GNAI2: variants seen among roughly 807,000 people sequenced by gnomAD.
The protein encoded by GNAI2 is G protein subunit alpha i2.
GNAI2 carries 4 observed loss-of-function variants against 36.8 expected under a neutral mutation model. The observed-to-expected ratio is 0.11, with a 90% CI of 0.05 to 0.25. The LOEUF (loss-of-function observed/expected upper bound fraction) is 0.25, where lower values mean the gene tolerates loss of function less well. GNAI2 is among the 10% of genes least tolerant of loss of function. The pLI, the probability that GNAI2 is intolerant of heterozygous loss-of-function variation, is 1.00. For synonymous variants in GNAI2, 194 were observed against 194.1 expected, an observed-to-expected ratio of 1.00 and a Z score of 0.01; for missense variants, 230 against 481.3, an observed-to-expected ratio of 0.48 and a Z score of 4.89.
chr3:50,235,798 A>G (rs1160380654), upstream of GNAI2, among the ~76,000 whole-genome samples: 1 of 152,090 alleles, frequency 6.6e-6, no homozygotes, highest in Non-Finnish European at 1.5e-5. Flanking sequence ...AACTCGCCCA[A>G]CTCGCAGAAG....
chr3:50,245,877 T>C (rs1553701691), intron 1 of GNAI2, among the ~76,000 whole-genome samples: 1 of 152,220 alleles, frequency 6.6e-6, no homozygotes, highest in East Asian at 1.9e-4. Context: ...TGCTTGGTAG[T>C]GCTCCCCTTT....
At position 50,257,591 on chromosome 3, in the gene GNAI2, C is replaced by T; in HGVS notation, c.969C>T (p.His323=). ...KRKDTKEIYT[H]FTCATDTKNV... is the part of the protein sequence containing the mutation. Reference sequence around the variant, plus strand: ...AAGACACCAAGGAGATCTACACGCACTTCACGTGCGCCACCGACACCAAGA... The same window carrying T: ...AAGACACCAAGGAGATCTACACGCATTTCACGTGCGCCACCGACACCAAGA... Residue 323 remains histidine, a synonymous_variant, in exon 8 of 9, where the codon CAC becomes CAT. Coordinates refer to ENST00000313601, the MANE Select transcript of GNAI2 (RefSeq NM_002070.4). 2.5e-6 allele frequency: 4 copies of T among 1,610,638 alleles called. No homozygotes were observed. The highest frequency in any genetic ancestry group is 3.4e-6 in the Non-Finnish European group (4 of 1,177,938).
Position 50,241,419 on chromosome 3 carries a change from A to G in GNAI2, c.118+4966A>G, listed in dbSNP as rs1553701125. Among the ~76,000 whole-genome samples, 1 of 151,788 alleles carries G rather than the reference A, an allele frequency of 6.6e-6. No individual in the cohort carries two copies. The highest frequency in any genetic ancestry group is 2.4e-5 in the African/African-American group (1 of 41,284). Reference sequence around the variant, plus strand: ...TGAACAGGGGTCCAAGCTATAGCTGACCCCCTCTGCCTGCATCCTGCCCAG... The same window carrying G: ...TGAACAGGGGTCCAAGCTATAGCTGGCCCCCTCTGCCTGCATCCTGCCCAG... On this transcript the variant is annotated intron_variant, in intron 1 of 8. Coordinates refer to ENST00000313601, the MANE Select transcript of GNAI2 (RefSeq NM_002070.4). This position sits in a 1 kb window ranked among gnomAD's most constrained non-coding sequence, Gnocchi z 5.0.
chr3:50,247,371 G>T (rs1267315976), intron 1 of GNAI2, among the ~76,000 whole-genome samples: 1 of 152,218 alleles, frequency 6.6e-6, no homozygotes, highest in African/African-American at 2.4e-5. Flanking sequence ...GCTGCTTGAG[G>T]CTTGACAGCT....
chr3:50,256,371 G>C (rs373273275), intron 5 of GNAI2, 51 bp downstream of exon 5: 86 of 1,562,510 alleles, frequency 5.5e-5, no homozygotes, highest in Non-Finnish European at 7.2e-5. Flanking sequence ...CAGCCTCTGG[G>C]GTAGCAGAGG....
chr3:50,236,529 AGGGCTTCAAACTCCCAGACCC>A lies in GNAI2; in HGVS notation c.118+82_118+102del. On this transcript the variant is annotated intron_variant, in intron 1 of 8. Transcript: ENST00000313601. This position sits in a 1 kb window ranked among gnomAD's most constrained non-coding sequence, Gnocchi z 4.0. Reference sequence around the variant, plus strand: ...GACAAGGACTTTGACCTCCCAGACTAGGGCTTCAAACTCCCAGACCCGGGCTGTCTGGGACCCCACACCTGG... The same window carrying A: ...GACAAGGACTTTGACCTCCCAGACTAGGGCTGTCTGGGACCCCACACCTGG... 6.6e-7 allele frequency: 1 copy of A among 1,512,852 alleles called. No homozygotes were observed. The highest frequency in any genetic ancestry group is 8.8e-7 in the Non-Finnish European group (1 of 1,138,670). The allele number at this position is 1,512,852 out of a possible 1,614,324, so 93.7% of individuals were successfully genotyped here.
intron 1 of GNAI2, among the ~76,000 whole-genome samples, chr3:50,249,587 A>G (rs1387308191): frequency 6.6e-6 from 1 of 152,176 alleles, no homozygotes; most frequent in Non-Finnish European, 1.5e-5. Flanking sequence ...TTGCTGCCCC[A>G]GCCACAGCGC....
rs1438819400 is a variant in GNAI2 at position 50,252,433 on chromosome 3, C to T, written c.198C>T (p.Cys66=). 2.5e-6 allele frequency: 4 copies of T among 1,613,478 alleles called. No homozygotes were observed. The highest frequency in any genetic ancestry group is 1.3e-5 in the African/African-American group (1 of 74,930). The change falls in exon 3 of 9, where the codon TGC becomes TGT. Residue 66 remains cysteine, a synonymous_variant. Coordinates refer to ENST00000313601, the MANE Select transcript of GNAI2 (RefSeq NM_002070.4). This position sits in a 1 kb window ranked among gnomAD's most constrained non-coding sequence, Gnocchi z 4.1. The part of the protein sequence containing the change: ...IHEDGYSEEE[C]RQYRAVVYSN... Reference sequence around the variant, plus strand: ...AGGATGGCTACTCCGAGGAGGAATGCCGGCAGTACCGGGCGGTTGTCTACA... The same window carrying T: ...AGGATGGCTACTCCGAGGAGGAATGTCGGCAGTACCGGGCGGTTGTCTACA...
Position 50,241,489 on chromosome 3 carries a change from G to A in GNAI2, c.118+5036G>A, listed in dbSNP as rs1022911227. Among the ~76,000 whole-genome samples the A allele has an allele frequency of 3.9e-5, 6 of 152,206 alleles. No individual in the cohort carries two copies. Among genetic ancestry groups the A allele is most frequent in the Non-Finnish European group, 7.3e-5 (5 of 68,034 alleles). Reference sequence around the variant, plus strand: ...TGCCTCTCACGCCAGTGTCAGTGCAGCCAACATGAGGTCATACCTCTAGGG... The same window carrying A: ...TGCCTCTCACGCCAGTGTCAGTGCAACCAACATGAGGTCATACCTCTAGGG... On this transcript the variant is annotated intron_variant, in intron 1 of 8. Coordinates refer to ENST00000313601, the MANE Select transcript of GNAI2 (RefSeq NM_002070.4). The surrounding 1 kb of genome is among the most constrained non-coding windows in gnomAD (Gnocchi z 5.0).
At chr3:50,231,611 C>T (rs1473349562), upstream of GNAI2, among the ~76,000 whole-genome samples, 1 of 152,194 alleles carries the variant, frequency 6.6e-6, no homozygotes, top group Non-Finnish European at 1.5e-5. Context: ...ACCTGCCACC[C>T]TGCAAGGGGC....
At chr3:50,249,177 G>A (rs782123868) in intron 1 of GNAI2, among the ~76,000 whole-genome samples, 2 of 152,102 alleles carry the variant, frequency 1.3e-5, no homozygotes, top group African/African-American at 4.8e-5. Context: ...CGCCTGGCTC[G>A]GGACTGCATG....
chr3:50,255,809 G>A lies in GNAI2; in HGVS notation c.465-383G>A, dbSNP rs2109217535. Among the ~76,000 whole-genome samples, 1 of 152,138 alleles carries A rather than the reference G, an allele frequency of 6.6e-6. No individual in the cohort carries two copies. Among genetic ancestry groups the A allele is most frequent in the Middle Eastern group, 3.4e-3 (1 of 294 alleles). On this transcript the variant is annotated intron_variant, in intron 4 of 8. Coordinates refer to ENST00000313601, the MANE Select transcript of GNAI2 (RefSeq NM_002070.4). This position sits in a 1 kb window ranked among gnomAD's most constrained non-coding sequence, Gnocchi z 4.0. The stretch of plus-strand genomic sequence containing the variant: ...CTCACGCCTGTAATCCCAGCACTCT[G>A]GGAGGCCGAGGTGGGCGGATCACCT...
In GNAI2 at chr3:50,252,082, C is replaced by G. The variant is rs1553702532; in HGVS notation, c.119-18C>G. The G allele has an allele frequency of 6.2e-7, 1 of 1,613,538 alleles. No homozygotes were observed. Among genetic ancestry groups the G allele is most frequent in the Admixed American group, 1.7e-5 (1 of 60,002 alleles). ...CCCTCTGGGCCTGCCCCCTGACCAC[C>G]TGTGCCCTCTGTTCCAGGTGCTGGG... On this transcript the variant is annotated intron_variant, in intron 1 of 8. Coordinates refer to ENST00000313601, the MANE Select transcript of GNAI2 (RefSeq NM_002070.4). The surrounding 1 kb of genome is among the most constrained non-coding windows in gnomAD (Gnocchi z 4.1).
At chr3:50,247,932 C>G (rs1700460564) in intron 1 of GNAI2, among the ~76,000 whole-genome samples, 1 of 152,266 alleles carries the variant, frequency 6.6e-6, no homozygotes, top group African/African-American at 2.4e-5. Context: ...TACCCAGCAT[C>G]TTTGCAGAAA....
upstream of GNAI2, chr3:50,235,966 G>A (rs914010395): frequency 3.8e-5 from 6 of 157,668 alleles, no homozygotes; most frequent in African/African-American, 7.2e-5. Flanking sequence ...CCGGGTCCCG[G>A]GGTTTGGAAC....
intron 1 of GNAI2, chr3:50,251,270 G>A (rs1700551056): frequency 3.0e-6 from 2 of 674,780 alleles, no homozygotes; most frequent in South Asian, 6.5e-5. Context: ...ATTTTTCTGA[G>A]CCTCAATGTC....
At position 50,253,215 on chromosome 3, in the gene GNAI2, G is replaced by C. The variant is rs781842823; in HGVS notation, c.464+31G>C. 6.4e-7 allele frequency: 1 copy of C among 1,574,094 alleles called. No individual in the cohort carries two copies. Among genetic ancestry groups the C allele is most frequent in the East Asian group, 2.3e-5 (1 of 44,178 alleles). Reference sequence around the variant, plus strand: ...TGCTCTGAGGGGCTGGGCAGGGCAGGGCAGGGGCTGGGGGAGGACTAAAGG... The same window carrying C: ...TGCTCTGAGGGGCTGGGCAGGGCAGCGCAGGGGCTGGGGGAGGACTAAAGG... On this transcript the variant is annotated intron_variant, in intron 4 of 8. Transcript: ENST00000313601. This position sits in a 1 kb window ranked among gnomAD's most constrained non-coding sequence, Gnocchi z 4.2.
chr3:50,235,580 A>G (rs781977235), upstream of GNAI2, among the ~76,000 whole-genome samples: 4 of 151,990 alleles, frequency 2.6e-5, no homozygotes, highest in Admixed American at 2.0e-4. Flanking sequence ...TCGGCCTCCT[A>G]AAGTGCTGGG....
chr3:50,246,082 G>A (rs1026352983), intron 1 of GNAI2, among the ~76,000 whole-genome samples: 28 of 152,222 alleles, frequency 1.8e-4, no homozygotes, highest in African/African-American at 6.8e-4. Context: ...GAGCCTTCTC[G>A]GAGGGAATGA....
Sources: gnomAD v4.1 joint callset for allele counts (sites outside exome capture counted in the v4.1 genomes callset) on GRCh38, gnomAD v4.1.1 for gene constraint, Gnocchi (gnomAD v3.1) non-coding constraint, MANE v1.5 for transcripts, NCBI Gene and HGNC (gene_info 2026-07-23, HGNC 2026-07-21) for gene names.